CENATAC: variants seen among roughly 807,000 people sequenced by gnomAD.
CENATAC encodes centrosomal AT-AC splicing factor.
A neutral mutation model predicts 53.7 loss-of-function variants in CENATAC; 53 were observed. The observed-to-expected ratio is 0.99, with a 90% confidence interval of 0.79 to 1.24. The LOEUF is 1.24. Ranked by LOEUF, CENATAC falls within the 50% of genes most tolerant of loss-of-function variation. CENATAC has a pLI of 0.00. For missense variants in CENATAC, 474 were observed against 417.8 expected, an observed-to-expected ratio of 1.13 and a Z score of -1.17; for synonymous variants, 156 against 144.6, an observed-to-expected ratio of 1.08 and a Z score of -0.57.
At chr11:119,013,762 C>CTTT (rs561450474) in intron 8 of CENATAC, among the ~76,000 whole-genome samples, 1 of 141,074 alleles carries the variant, frequency 7.1e-6, no homozygotes, top group East Asian at 2.0e-4. Flanking sequence ...CGTGCCCGGA[C>CTTT]TTTTTTTTTT....
At chr11:118,999,150 C>T in intron 3 of CENATAC, 41 bp downstream of exon 3, 1 of 1,458,386 alleles carries the variant, frequency 6.9e-7, no homozygotes, top group Non-Finnish European at 9.6e-7. Context: ...AGAGTGAATT[C>T]TCTGGATCTT....
intron 2 of CENATAC, 136 bp from the exon 3 acceptor site, chr11:118,998,875 A>T (rs1008550006): frequency 2.8e-6 from 2 of 718,088 alleles, no homozygotes; most frequent in African/African-American, 3.6e-5. Context: ...TCTTGAAGAG[A>T]TGGTAACAGT....
intron 4 of CENATAC, 138 bp from the exon 5 acceptor site, chr11:119,011,083 G>C: frequency 1.4e-6 from 1 of 713,298 alleles, no homozygotes; most frequent in Non-Finnish European, 2.4e-6. Flanking sequence ...CGGCAGTGCT[G>C]TTGCAGCCTG....
intron 3 of CENATAC, chr11:119,010,526 G>A: frequency 1.9e-6 from 1 of 514,478 alleles, no homozygotes. Flanking sequence ...TGAAAATAGG[G>A]TTTGACGTCT....
At position 119,011,270 on chromosome 11, in the gene CENATAC, G is replaced by T. The variant is rs782492332; in HGVS notation, c.500G>T (p.Arg167Leu). 4.3e-6 allele frequency: 7 copies of T among 1,613,960 alleles called. No individual in the cohort carries two copies. In the East Asian group the frequency reaches 1.6e-4, roughly 36 times the overall value. The change falls in exon 5 of 11, where the codon CGG (arginine) becomes CTG (leucine). Residue 167 changes from arginine to leucine, a missense_variant. Arg to Leu is a moderately radical substitution (Grantham distance 102, BLOSUM62 -2). Coordinates refer to ENST00000334418, the MANE Select transcript of CENATAC (RefSeq NM_198489.3). Reference protein sequence around the residue: ...EVEQSRQEVVRSVLEPQAVPD... With the variant: ...EVEQSRQEVVLSVLEPQAVPD... ...GAGCAGAGCCGACAGGAGGTGGTTC[G>T]GTCTGTCTTAGAGGTTGGTTTCCCT...
intron 3 of CENATAC, chr11:119,005,640 C>G (rs1265218157): frequency 6.6e-6 from 1 of 151,734 alleles, no homozygotes; most frequent in African/African-American, 2.4e-5. Flanking sequence ...TTCAACCACA[C>G]TGTAATTTTT....
chr11:119,015,159 C>T, intron 9 of CENATAC, 76 bp downstream of exon 9: 3 of 1,460,476 alleles, frequency 2.1e-6, no homozygotes, highest in South Asian at 2.4e-5. Flanking sequence ...TGTGTGGTGG[C>T]TCATGGCTAT....
At chr11:119,012,280 AG>A in intron 7 of CENATAC, 26 bp downstream of exon 7, 1 of 1,612,342 alleles carries the variant, frequency 6.2e-7, no homozygotes, top group Non-Finnish European at 8.5e-7. Flanking sequence ...AAGCCAGAAG[AG>A]GGCCAATGGT....
chr11:119,006,193 T>G (rs1178529270), intron 3 of CENATAC, among the ~76,000 whole-genome samples: 3 of 148,100 alleles, frequency 2.0e-5, no homozygotes, highest in African/African-American at 7.6e-5. Flanking sequence ...TTCAAGCGAT[T>G]CTCTTGAGTA....
rs1458719597 is a variant in CENATAC at position 119,003,699 on chromosome 11, A to G, written c.383+4590A>G. 2.4e-5 allele frequency: 4 copies of G among 164,006 alleles called. No homozygotes were observed. The Admixed American group carries it at 2.7e-4, about 11-fold the overall frequency. 10.2% of individuals were successfully genotyped at this position (164,006 alleles called of 1,614,324 possible). A position where few individuals can be genotyped will look rare whatever the true frequency, so the allele number is the denominator to read the frequency against. The stretch of plus-strand genomic sequence containing the variant: ...AGTGGCATGATCTTGGCTCACTGCA[A>G]CCTCCACCTCCTGAGTTCAAGCGAT... On this transcript the variant is annotated intron_variant, in intron 3 of 10. Coordinates refer to ENST00000334418, the MANE Select transcript of CENATAC (RefSeq NM_198489.3).
At chr11:119,015,184 G>A in intron 9 of CENATAC, 101 bp downstream of exon 9, 1 of 1,437,724 alleles carries the variant, frequency 7.0e-7, no homozygotes, top group Admixed American at 2.0e-5. Context: ...CTAGCATTTT[G>A]GGAGGCTGAG....
In CENATAC at chr11:119,015,345, G is replaced by A. The variant is rs543989276; in HGVS notation, c.844G>A (p.Val282Ile). ...GTTGAAAAAACTCCCCCCAGACCGA[G>A]TTGGGGCCAACTTTGATCACAGCTC... ...QKLKKLPPDRVGANFDHSSRT... is the reference protein window; with the variant it reads ...QKLKKLPPDRIGANFDHSSRT... Residue 282 changes from valine (V) to isoleucine (I), a missense_variant, in exon 10 of 11, where the codon GTT (valine) becomes ATT (isoleucine). Val to Ile is a conservative substitution (Grantham distance 29, BLOSUM62 3). Coordinates refer to ENST00000334418, the MANE Select transcript of CENATAC (RefSeq NM_198489.3). 26 of 1,614,088 alleles carry A rather than the reference G, an allele frequency of 1.6e-5. No individual in the cohort carries two copies. In the South Asian group the frequency reaches 2.9e-4, roughly 18 times the overall value.
At position 119,010,427 on chromosome 11, in the gene CENATAC, A is replaced by C. The variant is rs7950061; in HGVS notation, c.384-337A>C. ...AAACCATGTCTATACTAACCAGCCAAATATTTGAACACTAAAAGGAAGAAT... is the reference window on the plus strand; with the variant it reads ...AAACCATGTCTATACTAACCAGCCACATATTTGAACACTAAAAGGAAGAAT... On this transcript the variant is annotated intron_variant, in intron 3 of 10. Transcript: ENST00000334418. 1.9e-3 allele frequency: 515 copies of C among 275,970 alleles called. 1 individual carries two copies. The highest frequency in any genetic ancestry group is 0.01 in the African/African-American group (482 of 46,194). The allele number at this position is 275,970 out of a possible 1,614,324, so 17.1% of individuals were successfully genotyped here. A position where few individuals can be genotyped will look rare whatever the true frequency, so the allele number is the denominator to read the frequency against.
Position 118,998,994 on chromosome 11 carries a change from A to G in CENATAC, c.285-17A>G. ...TTATAATCTATAGCTGAGATTACTTATCCTCTCCATTTTCAGCCCAGAGCA... is the reference window on the plus strand; with the variant it reads ...TTATAATCTATAGCTGAGATTACTTGTCCTCTCCATTTTCAGCCCAGAGCA... On this transcript the variant is annotated splice_polypyrimidine_tract_variant and intron_variant, in intron 2 of 10. Coordinates refer to ENST00000334418, the MANE Select transcript of CENATAC (RefSeq NM_198489.3). 6.4e-7 allele frequency: 1 copy of G among 1,566,922 alleles called. No homozygotes were observed. Among genetic ancestry groups the G allele is most frequent in the Non-Finnish European group, 8.8e-7 (1 of 1,137,070 alleles).
intron 7 of CENATAC, chr11:119,012,534 G>C (rs1052109499): frequency 3.2e-5 from 10 of 309,586 alleles, no homozygotes; most frequent in Non-Finnish European, 4.3e-5. Flanking sequence ...ACAGGCATCT[G>C]AAACTAACCC....
In CENATAC at chr11:119,015,406, G is replaced by A. The variant is rs782325490; in HGVS notation, c.905G>A (p.Arg302His). ...TSAGWLPSFG[R>H]VWNNGRRWQS... The stretch of plus-strand genomic sequence containing the variant: ...GCAGGCTGGCTGCCCTCTTTTGGCC[G>A]CGTCTGGAATAATGGACGCCGCTGG... The change falls in exon 10 of 11, where the codon CGC becomes CAC. Residue 302 changes from arginine to histidine, a missense_variant. Arg to His is a conservative substitution (Grantham distance 29). Coordinates refer to ENST00000334418, the MANE Select transcript of CENATAC (RefSeq NM_198489.3). 105 of 1,614,042 alleles carry A rather than the reference G, an allele frequency of 6.5e-5. No individual in the cohort carries two copies. The highest frequency in any genetic ancestry group is 4.4e-4 in the South Asian group (40 of 91,088).
At position 119,010,791 on chromosome 11, in the gene CENATAC, G is replaced by A. The variant is rs1171065339; in HGVS notation, c.411G>A (p.Leu137=). ...TCAAGAAATCCATGGTGAAAGGTTTGGATTCCTATGAAGAAAAGGAGGATA... is the reference window on the plus strand; with the variant it reads ...TCAAGAAATCCATGGTGAAAGGTTTAGATTCCTATGAAGAAAAGGAGGATA... ...ARFKKSMVKG[L]DSYEEKEDKV... Residue 137 remains leucine, a synonymous_variant, in exon 4 of 11, where the codon TTG becomes TTA. Coordinates refer to ENST00000334418, the MANE Select transcript of CENATAC (RefSeq NM_198489.3). 3.1e-6 allele frequency: 5 copies of A among 1,613,964 alleles called. No homozygotes were observed. In the East Asian group the frequency reaches 1.1e-4, roughly 36 times the overall value.
In CENATAC at chr11:118,998,162, C is replaced by T; in HGVS notation, c.-36C>T. On this transcript the variant is annotated 5_prime_UTR_variant, in exon 1 of 11. Coordinates refer to ENST00000334418, the MANE Select transcript of CENATAC (RefSeq NM_198489.3). ...CAGAGGCCGCCGGATGGCGTAGGAT[C>T]GGCCGCTGGTGGTGGTGATACCGGG... 3 of 1,560,458 alleles carry T rather than the reference C, an allele frequency of 1.9e-6. No homozygotes were observed. Among genetic ancestry groups the T allele is most frequent in the Non-Finnish European group, 1.7e-6 (2 of 1,156,278 alleles).
At chr11:119,009,309 TA>T (rs1456965912) in intron 3 of CENATAC, among the ~76,000 whole-genome samples, 2 of 152,176 alleles carry the variant, frequency 1.3e-5, no homozygotes, top group African/African-American at 4.8e-5. Flanking sequence ...TGTGTTTTTG[TA>T]GAGACAGGGT....
Sources: allele counts gnomAD v4.1 joint callset (sites outside exome capture counted in the v4.1 genomes callset), GRCh38; gene constraint gnomAD v4.1.1; transcripts MANE v1.5; gene names NCBI Gene and HGNC (gene_info 2026-07-23, HGNC 2026-07-21).